The following GRM7 variants were observed in gnomAD, a reference collection of about 807,000 sequenced individuals.
The protein encoded by GRM7 is glutamate metabotropic receptor 7.
A neutral mutation model predicts 84.5 loss-of-function variants in GRM7; 35 were observed. The ratio of observed to expected loss-of-function variants is 0.41; its 90% CI spans 0.32 to 0.55. The LOEUF (loss-of-function observed/expected upper bound fraction) is 0.55. Among genes scored for constraint, GRM7 ranks in the 20% least tolerant of loss-of-function variants. The pLI is 0.19. For missense variants in GRM7, 1,003 were observed against 1,194.6 expected, an observed-to-expected ratio of 0.84 and a Z score of 2.36; for synonymous variants, 487 against 455.1, an observed-to-expected ratio of 1.07 and a Z score of -0.89.
intron 2 of GRM7, among the ~76,000 whole-genome samples, chr3:7,228,658 A>C (rs1403951863): frequency 6.6e-6 from 1 of 152,348 alleles, no homozygotes; most frequent in African/African-American, 2.4e-5. Context: ...TAACAATAAA[A>C]GTCTCTTTCA....
chr3:7,550,870 C>T (rs1327598845), intron 7 of GRM7, among the ~76,000 whole-genome samples: 1 of 151,996 alleles, frequency 6.6e-6, no homozygotes, highest in Non-Finnish European at 1.5e-5. Context: ...TTGACTTAAT[C>T]TTTAATTTCT....
In GRM7 at chr3:7,468,709, T is replaced by C. The variant is rs188819345; in HGVS notation, c.1515+6987T>C. Among the ~76,000 whole-genome samples the C allele has an allele frequency of 2.0e-5, 3 of 152,250 alleles. No homozygotes were observed. The East Asian group carries it at 5.8e-4, about 29-fold the overall frequency. On this transcript the variant is annotated intron_variant, in intron 7 of 9. Coordinates refer to ENST00000357716, the MANE Select transcript of GRM7 (RefSeq NM_000844.4). ...TCAAGGCAGGGAGGTGATTGGGTCA[T>C]TGGGGTGGTTTCCCACATGCTGATC...
chr3:7,457,354 T>C (rs535588198), intron 6 of GRM7, among the ~76,000 whole-genome samples: 1 of 152,326 alleles, frequency 6.6e-6, no homozygotes, highest in Admixed American at 6.5e-5. Context: ...GTTTTTATCA[T>C]GCCTAGATAT....
chr3:7,125,782 A>T (rs1259617555), intron 1 of GRM7, among the ~76,000 whole-genome samples: 1 of 152,162 alleles, frequency 6.6e-6, no homozygotes, highest in Non-Finnish European at 1.5e-5. Flanking sequence ...ATTTACAGTG[A>T]GAGGGCTGTC....
chr3:7,055,366 C>A (rs1697177989), intron 1 of GRM7, among the ~76,000 whole-genome samples: 1 of 151,732 alleles, frequency 6.6e-6, no homozygotes, highest in African/African-American at 2.4e-5. Flanking sequence ...TGTTCTTTTT[C>A]AAATCAATTC....
chr3:7,577,827 G>A (rs1695038408), intron 7 of GRM7, among the ~76,000 whole-genome samples: 2 of 152,144 alleles, frequency 1.3e-5, no homozygotes. Context: ...GATTCACATT[G>A]CTGCAAAAGT....
intron 2 of GRM7, among the ~76,000 whole-genome samples, chr3:7,295,933 T>C (rs1291691252): frequency 6.6e-6 from 1 of 152,148 alleles, no homozygotes; most frequent in Non-Finnish European, 1.5e-5. Flanking sequence ...GGCAAGGGTT[T>C]ATAGTACAGT....
At chr3:7,306,735 T>C (rs1700207336) in intron 4 of GRM7, 83 bp downstream of exon 4, 4 of 1,249,830 alleles carry the variant, frequency 3.2e-6, no homozygotes, top group African/African-American at 1.5e-5. Context: ...TTTTAGGGGT[T>C]TGGCATTTTT....
intron 4 of GRM7, among the ~76,000 whole-genome samples, chr3:7,379,363 G>A (rs1694492336): frequency 6.6e-6 from 1 of 152,094 alleles, no homozygotes; most frequent in Non-Finnish European, 1.5e-5. Flanking sequence ...AAAGTGCTAG[G>A]ATTACAGGTG....
Position 7,151,989 on chromosome 3 carries a change from T to C in GRM7, c.736+5321T>C, listed in dbSNP as rs1694301508. Among the ~76,000 whole-genome samples, 1 of 152,176 alleles carries C rather than the reference T, an allele frequency of 6.6e-6. No individual in the cohort carries two copies. Among genetic ancestry groups the C allele is most frequent in the Admixed American group, 6.5e-5 (1 of 15,276 alleles). The stretch of plus-strand genomic sequence containing the variant: ...ACATTTTAAAACTAGGTAGATTATT[T>C]TCCTAATGAGGTGTTTGGTGGTTCC... On this transcript the variant is annotated intron_variant, in intron 2 of 9. Transcript: ENST00000357716. This position sits in a 1 kb window ranked among gnomAD's most constrained non-coding sequence, Gnocchi z 4.5.
intron 1 of GRM7, among the ~76,000 whole-genome samples, chr3:6,966,896 A>T (rs202083765): frequency 1.3e-5 from 2 of 152,188 alleles, no homozygotes; most frequent in East Asian, 1.9e-4. Flanking sequence ...TTTGGCCATG[A>T]TGAGGCTTAA....
chr3:7,361,047 T>A (rs1332121574), intron 4 of GRM7, among the ~76,000 whole-genome samples: 1 of 152,080 alleles, frequency 6.6e-6, no homozygotes, highest in East Asian at 1.9e-4. Flanking sequence ...GAAAGTCCCT[T>A]TGAATTATTG....
intron 2 of GRM7, among the ~76,000 whole-genome samples, chr3:7,293,776 T>C (rs1237929191): frequency 6.6e-6 from 1 of 152,200 alleles, no homozygotes; most frequent in African/African-American, 2.4e-5. Context: ...GGACCATCAT[T>C]ATTGTCTCAC....
At chr3:7,294,328 T>C (rs572280227) in intron 2 of GRM7, among the ~76,000 whole-genome samples, 2 of 152,284 alleles carry the variant, frequency 1.3e-5, no homozygotes, top group East Asian at 1.9e-4. Flanking sequence ...GCTGAGAAGA[T>C]GGTAAAGTAG....
intron 2 of GRM7, among the ~76,000 whole-genome samples, chr3:7,242,892 G>A (rs1373344494): frequency 6.6e-6 from 1 of 152,012 alleles, no homozygotes; most frequent in Non-Finnish European, 1.5e-5. Context: ...CTTTGTTATT[G>A]TAATTCTGCA....
At chr3:7,055,310 A>T (rs1460979074) in intron 1 of GRM7, among the ~76,000 whole-genome samples, 4 of 151,736 alleles carry the variant, frequency 2.6e-5, no homozygotes, top group Non-Finnish European at 5.9e-5. Context: ...TAAGTTTCCA[A>T]ACAAGCTGGG....
chr3:7,058,739 A>C (rs2221115), intron 1 of GRM7, among the ~76,000 whole-genome samples: 88,174 of 151,626 alleles, frequency 0.58, 27,517 homozygotes, highest in African/African-American at 0.83. Flanking sequence ...TCATTTATAA[A>C]CTGATGTGTC....
At chr3:7,221,990 G>A (rs1268486085) in intron 2 of GRM7, among the ~76,000 whole-genome samples, 2 of 151,650 alleles carry the variant, frequency 1.3e-5, no homozygotes, top group Non-Finnish European at 2.9e-5. Context: ...TGTATTTTTA[G>A]TAGAGACGGG....
intron 8 of GRM7, among the ~76,000 whole-genome samples, chr3:7,580,680 G>GT (rs1695206841): frequency 6.6e-6 from 1 of 152,150 alleles, no homozygotes; most frequent in African/African-American, 2.4e-5. Context: ...CAAGGAGAAT[G>GT]AATGGTTCCA....
Sources: allele counts gnomAD v4.1 joint callset (sites outside exome capture counted in the v4.1 genomes callset), GRCh38; gene constraint gnomAD v4.1.1; non-coding constraint Gnocchi (gnomAD v3.1); transcripts MANE v1.5; gene names NCBI Gene and HGNC (gene_info 2026-07-23, HGNC 2026-07-21).